FXYD6: variants seen among roughly 807,000 people sequenced by gnomAD.
FXYD6 encodes the protein FXYD domain containing ion transport regulator 6, also known as FXYD domain-containing ion transport regulator 6.
A neutral mutation model predicts 16.7 loss-of-function variants in FXYD6; 7 were observed. The observed-to-expected ratio is 0.42, with a 90% confidence interval of 0.24 to 0.79. FXYD6 has a LOEUF of 0.79. Ranked by LOEUF, FXYD6 falls within the 30% of genes least tolerant of loss-of-function variation. The pLI is 0.28. For missense variants in FXYD6, 111 were observed against 116.2 expected, an observed-to-expected ratio of 0.95 and a Z score of 0.21; for synonymous variants, 49 against 43.0, an observed-to-expected ratio of 1.14 and a Z score of -0.54.
chr11:117,867,325 G>A (rs370012434), intron 1 of FXYD6, among the ~76,000 whole-genome samples: 34 of 152,120 alleles, frequency 2.2e-4, no homozygotes, highest in African/African-American at 7.0e-4. Context: ...CCAAGTTTCC[G>A]GGGCTTCCTC....
chr11:117,877,111 G>C (rs938217907), upstream of FXYD6: 1 of 152,250 alleles, frequency 6.6e-6, no homozygotes, highest in African/African-American at 2.4e-5. Context: ...AAACCCCGAG[G>C]AACGGAAAAA....
chr11:117,855,700 G>A (rs2056709676), intron 1 of FXYD6, among the ~76,000 whole-genome samples: 2 of 152,224 alleles, frequency 1.3e-5, no homozygotes, highest in South Asian at 4.1e-4. Context: ...CTGGGGGAAG[G>A]AGATCCAAGG....
chr11:117,859,429 C>T (rs2056852808), intron 1 of FXYD6, among the ~76,000 whole-genome samples: 1 of 152,222 alleles, frequency 6.6e-6, no homozygotes, highest in African/African-American at 2.4e-5. Flanking sequence ...ACAGAAGAAA[C>T]TAAGAGGAAT....
At position 117,842,047 on chromosome 11, in the gene FXYD6, G is replaced by A. The variant is rs749612763; in HGVS notation, c.59-19C>T. 63 of 1,613,936 alleles carry A rather than the reference G, an allele frequency of 3.9e-5. No individual in the cohort carries two copies. The highest frequency in any genetic ancestry group is 5.1e-5 in the Non-Finnish European group (60 of 1,180,016). On this transcript the variant is annotated intron_variant, in intron 2 of 7. Transcript: ENST00000526014. ...TCAGCTGCTGCAAAAACAAACAGTT[G>A]GTCAAGAGAAAGAAAGCTACACAAA...
chr11:117,858,481 G>GC (rs1395592569), intron 1 of FXYD6, among the ~76,000 whole-genome samples: 2 of 151,978 alleles, frequency 1.3e-5, no homozygotes, highest in East Asian at 3.9e-4. Flanking sequence ...CTTGGAAACA[G>GC]GGGTAAGGAC....
At chr11:117,842,179 C>T (rs2056362844) in intron 2 of FXYD6, 151 bp from the exon 3 acceptor site, 14 of 1,178,680 alleles carry the variant, frequency 1.2e-5, no homozygotes, top group South Asian at 1.5e-5. Flanking sequence ...CACGGTAGGG[C>T]GGGCCTGCCA....
intron 6 of FXYD6, chr11:117,840,085 A>T: frequency 1.6e-6 from 1 of 642,564 alleles, no homozygotes; most frequent in East Asian, 2.7e-5. Context: ...CCATTAAATG[A>T]TATGGGGTCT....
intron 1 of FXYD6, among the ~76,000 whole-genome samples, chr11:117,874,221 A>T (rs1048950074): frequency 3.3e-5 from 5 of 152,202 alleles, no homozygotes; most frequent in African/African-American, 1.2e-4. Context: ...ATTAATACAC[A>T]GTAGACACTT....
At chr11:117,838,391 G>A (rs186041256) in intron 7 of FXYD6, 114 bp from the exon 8 acceptor site, 15 of 687,720 alleles carry the variant, frequency 2.2e-5, no homozygotes, top group Admixed American at 8.1e-5. Context: ...TGACAGCCTC[G>A]TCTGAGACGC....
At chr11:117,861,834 A>C (rs920192975) in intron 1 of FXYD6, among the ~76,000 whole-genome samples, 1 of 152,178 alleles carries the variant, frequency 6.6e-6, no homozygotes, top group African/African-American at 2.4e-5. Flanking sequence ...CAGGATGTGG[A>C]GGGGCCTCGG....
At chr11:117,849,640 G>C (rs2056557532) in intron 1 of FXYD6, among the ~76,000 whole-genome samples, 1 of 151,808 alleles carries the variant, frequency 6.6e-6, no homozygotes, top group African/African-American at 2.4e-5. Flanking sequence ...ATTTGAAACA[G>C]AGGGGTTAAT....
At chr11:117,859,742 T>C (rs1320494768) in intron 1 of FXYD6, among the ~76,000 whole-genome samples, 2 of 152,184 alleles carry the variant, frequency 1.3e-5, no homozygotes, top group African/African-American at 4.8e-5. Flanking sequence ...CCTATTTTCC[T>C]TCCAAACAGT....
rs369864302 is a variant in FXYD6 at position 117,842,719 on chromosome 11, C to T, written c.58G>A (p.Ala20Thr). The T allele has an allele frequency of 1.9e-6, 3 of 1,565,748 alleles. No homozygotes were observed. The highest frequency in any genetic ancestry group is 1.7e-6 in the Non-Finnish European group (2 of 1,154,566). The change falls in exon 2 of 8, where the codon GCA becomes ACA. Residue 20 changes from alanine (A) to threonine (T), a missense_variant and splice_region_variant. Physicochemically the swap from Ala to Thr is moderately conservative, Grantham distance 58 (BLOSUM62 0). Transcript: ENST00000526014. Reference protein sequence around the residue: ...SLLAPMVLASAAEKEKEMDPF... With the variant: ...SLLAPMVLASTAEKEKEMDPF... The stretch of plus-strand genomic sequence containing the variant: ...AGCCAGGTCCCAGAGGGGTACTTAC[C>T]ACTGGCCAGGACCATGGGGGCCAGC...
At chr11:117,853,610 G>C (rs544293436) in intron 1 of FXYD6, among the ~76,000 whole-genome samples, 2 of 152,264 alleles carry the variant, frequency 1.3e-5, no homozygotes, top group African/African-American at 4.8e-5. Flanking sequence ...TCCTGCCTCA[G>C]CCTCCCTAGT....
rs150813866 is a variant in FXYD6 at position 117,838,039 on chromosome 11, AGT to A, written c.*258_*259del. ...AAGACCACAGTTAGCAAACACACAC[AGT>A]CACACACACACACACACACACACAC... On this transcript the variant is annotated 3_prime_UTR_variant, in exon 8 of 8. Coordinates refer to ENST00000526014, the MANE Select transcript of FXYD6 (RefSeq NM_022003.4). 215 of 601,276 alleles carry A rather than the reference AGT, an allele frequency of 3.6e-4. No homozygotes were observed. The African/African-American group carries it at 4.1e-3, about 11-fold the overall frequency. 37.2% of individuals were successfully genotyped at this position (601,276 alleles called of 1,614,324 possible).
intron 1 of FXYD6, among the ~76,000 whole-genome samples, chr11:117,867,572 C>A (rs1196779293): frequency 1.3e-5 from 2 of 152,180 alleles, no homozygotes; most frequent in African/African-American, 4.8e-5. Context: ...CAAAGGCATT[C>A]GGTGGTGCCT....
chr11:117,876,389 G>A (rs905465836), intron 1 of FXYD6, among the ~76,000 whole-genome samples: 2 of 151,954 alleles, frequency 1.3e-5, no homozygotes, highest in African/African-American at 2.4e-5. Context: ...TCTCTCTTCC[G>A]ACGCCGATCT....
intron 1 of FXYD6, among the ~76,000 whole-genome samples, chr11:117,862,684 G>T (rs2056933933): frequency 6.6e-6 from 1 of 152,178 alleles, no homozygotes. Flanking sequence ...CCCCTTCAGG[G>T]TATCTCTCTA....
intron 1 of FXYD6, among the ~76,000 whole-genome samples, chr11:117,853,781 C>T (rs1358121680): frequency 6.6e-6 from 1 of 152,162 alleles, no homozygotes; most frequent in Non-Finnish European, 1.5e-5. Flanking sequence ...GCATGAGCCA[C>T]CATGCCTGGC....
Sources: allele counts gnomAD v4.1 joint callset (sites outside exome capture counted in the v4.1 genomes callset), GRCh38; gene constraint gnomAD v4.1.1; transcripts MANE v1.5; gene names NCBI Gene and HGNC (gene_info 2026-07-23, HGNC 2026-07-21).